KIF5B: variants seen among roughly 807,000 people sequenced by gnomAD.
KIF5B encodes kinesin family member 5B, also known as kinesin-1 heavy chain.
Under a neutral mutation model 132.8 loss-of-function variants are expected in KIF5B, and 49 were observed. The ratio of observed to expected loss-of-function variants is 0.37; its 90% CI spans 0.29 to 0.47. KIF5B has a LOEUF of 0.47. KIF5B is among the 20% of genes least tolerant of loss of function. The probability of loss-of-function intolerance (pLI) is 1.00; values close to 1 mark genes in which losing one functional copy is unlikely to be tolerated. For synonymous variants in KIF5B, 355 were observed against 369.4 expected (o/e 0.96, Z 0.45); for missense variants, 780 against 1,144.0 (o/e 0.68, Z 4.59).
intron 23 of KIF5B, 113 bp downstream of exon 23, chr10:32,017,939 G>A: frequency 3.8e-6 from 2 of 526,038 alleles, no homozygotes; most frequent in Non-Finnish European, 6.9e-6. Context: ...TGATAAAATG[G>A]CTCAGGGTAT....
At position 32,034,037 on chromosome 10, in the gene KIF5B, C is replaced by T; in HGVS notation, c.1113G>A (p.Gly371=). 6.5e-7 allele frequency: 1 copy of T among 1,533,978 alleles called. No homozygotes were observed. The highest frequency in any genetic ancestry group is 2.4e-5 in the East Asian group (1 of 41,874). ...ACTGTTCATCAATAGGCACCGTCTC[C>T]CCTAAAATAAGAAAATAAAGTGGTT... is the stretch of plus-strand genomic sequence containing the variant. ...LENELNRWRN[G]ETVPIDEQFD... is the part of the protein sequence containing the mutation. Residue 371 remains glycine, a splice_region_variant and synonymous_variant, in exon 12 of 26, where the codon GGG becomes GGA. Transcript: ENST00000302418.
At chr10:32,028,971 G>A (rs1841365631) in intron 14 of KIF5B, among the ~76,000 whole-genome samples, 1 of 152,178 alleles carries the variant, frequency 6.6e-6, no homozygotes, top group African/African-American at 2.4e-5. Context: ...TTTCTAGATG[G>A]TTAGTATGCT....
At chr10:32,044,605 G>A (rs1841585668) in intron 2 of KIF5B, among the ~76,000 whole-genome samples, 1 of 152,042 alleles carries the variant, frequency 6.6e-6, no homozygotes, top group South Asian at 2.1e-4. Flanking sequence ...CCGGGAGGCG[G>A]AGGTAGGTTA....
intron 1 of KIF5B, among the ~76,000 whole-genome samples, chr10:32,052,998 A>G (rs1564472141): frequency 6.6e-6 from 1 of 152,258 alleles, no homozygotes; most frequent in African/African-American, 2.4e-5. Flanking sequence ...TTTCTCCATG[A>G]GCACTGATTA....
intron 16 of KIF5B, 21 bp from the exon 17 acceptor site, chr10:32,022,278 A>T: frequency 1.6e-6 from 2 of 1,229,632 alleles, no homozygotes; most frequent in Non-Finnish European, 2.4e-6. Flanking sequence ...AAATATACTG[A>T]TATGAAGTGG....
intron 19 of KIF5B, among the ~76,000 whole-genome samples, chr10:32,020,256 G>C (rs1238440900): frequency 6.6e-6 from 1 of 151,820 alleles, no homozygotes; most frequent in Non-Finnish European, 1.5e-5. Context: ...TCATTATTTT[G>C]TTATGTTATT....
At chr10:32,041,516 A>G (rs918733523) in intron 2 of KIF5B, among the ~76,000 whole-genome samples, 15 of 152,206 alleles carry the variant, frequency 9.9e-5, no homozygotes, top group African/African-American at 3.6e-4. Context: ...AAACAAGACT[A>G]ATTGATGGTT....
At position 32,015,582 on chromosome 10, in the gene KIF5B, CA is replaced by C. The variant is rs942287029; in HGVS notation, c.2838del (p.Phe946LeufsTer30). 2.5e-6 allele frequency: 4 copies of C among 1,613,784 alleles called. No individual in the cohort carries two copies. In the Admixed American group the frequency reaches 6.7e-5, roughly 27 times the overall value. On this transcript the variant is annotated frameshift_variant, in exon 25 of 26. Coordinates refer to ENST00000302418, the MANE Select transcript of KIF5B (RefSeq NM_004521.3). LOFTEE classifies it high-confidence loss of function. ...ACTGCCACTGGCTGGCTGTTCTGAA[CA>C]AATGCACCTCCTCCACGAATTGCAC... ...HPSAIRGGGA[F>X]VQNSQPVAVR...
At chr10:32,021,000 A>G in intron 19 of KIF5B, 22 bp downstream of exon 19, 1 of 1,332,372 alleles carries the variant, frequency 7.5e-7, no homozygotes, top group Non-Finnish European at 1.1e-6. Context: ...TTTCCTCCTA[A>G]CTAGAGAAGT....
In KIF5B at chr10:32,028,646, C is replaced by CA. The variant is rs1032375877; in HGVS notation, c.1582-76dup. Reference sequence around the variant, plus strand: ...TCAAATCAAATACTCATCGGTGTTTCAAGTTTTACACCAAGCCCTTACGAA... The same window carrying CA: ...TCAAATCAAATACTCATCGGTGTTTCAAAGTTTTACACCAAGCCCTTACGAA... On this transcript the variant is annotated intron_variant, in intron 14 of 25. Transcript: ENST00000302418. 44 of 1,258,586 alleles carry CA rather than the reference C, an allele frequency of 3.5e-5. 1 individual carries two copies. In the African/African-American group the frequency reaches 4.9e-4, roughly 14 times the overall value. The allele number at this position is 1,258,586 out of a possible 1,614,324, so 78.0% of individuals were successfully genotyped here. A position where few individuals can be genotyped will look rare whatever the true frequency, so the allele number is the denominator to read the frequency against.
chr10:32,055,601 A>C (rs1216197938), intron 1 of KIF5B, among the ~76,000 whole-genome samples: 1 of 151,854 alleles, frequency 6.6e-6, no homozygotes, highest in Non-Finnish European at 1.5e-5. Flanking sequence ...CAGGTGGGGG[A>C]GTGTCCAGGG....
At chr10:32,040,182 A>G (rs1164532615) in intron 3 of KIF5B, among the ~76,000 whole-genome samples, 2 of 152,254 alleles carry the variant, frequency 1.3e-5, no homozygotes, top group Non-Finnish European at 2.9e-5. Flanking sequence ...AATCTCAAAT[A>G]TAATCTCAAA....
chr10:32,055,751 C>T (rs895612438), intron 1 of KIF5B, 97 bp downstream of exon 1: 1 of 1,482,498 alleles, frequency 6.7e-7, no homozygotes, highest in Non-Finnish European at 9.1e-7. Context: ...GGGACACCGC[C>T]GCTCCCTTTC....
chr10:32,056,023 T>C lies in KIF5B; in HGVS notation c.-50A>G, dbSNP rs763428141. ...CCGGGAGCCACTCCCCGCCGCTCAG[T>C]CTTGCAGGGAACGCGCCGGACCTGA... On this transcript the variant is annotated 5_prime_UTR_variant, in exon 1 of 26. Coordinates refer to ENST00000302418, the MANE Select transcript of KIF5B (RefSeq NM_004521.3). 1 of 1,595,762 alleles carries C rather than the reference T, an allele frequency of 6.3e-7. No homozygotes were observed. Among genetic ancestry groups the C allele is most frequent in the Non-Finnish European group, 8.5e-7 (1 of 1,178,178 alleles).
chr10:32,025,467 C>T (rs1841322862), intron 15 of KIF5B, among the ~76,000 whole-genome samples: 1 of 152,194 alleles, frequency 6.6e-6, no homozygotes, highest in Non-Finnish European at 1.5e-5. Context: ...CCTCCACTTC[C>T]TGGGCTCAAG....
In KIF5B at chr10:32,038,715, A is replaced by G. The variant is rs904909642; in HGVS notation, c.442+63T>C. On this transcript the variant is annotated intron_variant, in intron 5 of 25. Coordinates refer to ENST00000302418, the MANE Select transcript of KIF5B (RefSeq NM_004521.3). Reference sequence around the variant, plus strand: ...ATAGGTTACAAAGAAATAGTCTCACATCTATTATTAAAAAGGAATTAACAG... The same window carrying G: ...ATAGGTTACAAAGAAATAGTCTCACGTCTATTATTAAAAAGGAATTAACAG... The G allele has an allele frequency of 1.6e-5, 15 of 926,360 alleles. No individual in the cohort carries two copies. In the African/African-American group the frequency reaches 2.0e-4, roughly 12 times the overall value. 57.4% of individuals were successfully genotyped at this position (926,360 alleles called of 1,614,324 possible).
intron 17 of KIF5B, among the ~76,000 whole-genome samples, chr10:32,021,747 C>T (rs796263713): frequency 4.5e-4 from 69 of 152,190 alleles, no homozygotes; most frequent in African/African-American, 1.4e-3. Context: ...CCAAGGCAGG[C>T]AGATCACGAG....
chr10:32,051,129 A>G (rs944484876), intron 1 of KIF5B, among the ~76,000 whole-genome samples: 3 of 152,246 alleles, frequency 2.0e-5, no homozygotes, highest in Non-Finnish European at 2.9e-5. Context: ...TGGATCTAAT[A>G]TAAGTGATCA....
In KIF5B at chr10:32,031,085, C is replaced by T; in HGVS notation, c.1569G>A (p.Leu523=). ...TKEYELLSDE[L]NQKSATLASI... is the part of the protein sequence containing the mutation. ...AACTATATCCTACCGATTTCTGATT[C>T]AATTCATCACTAAGCAATTCATATT... The change falls in exon 14 of 26, where the codon TTG becomes TTA. Residue 523 remains leucine, a synonymous_variant. Transcript: ENST00000302418. 6.2e-7 allele frequency: 1 copy of T among 1,610,148 alleles called. No homozygotes were observed.
Sources: allele counts gnomAD v4.1 joint callset (sites outside exome capture counted in the v4.1 genomes callset), GRCh38; gene constraint gnomAD v4.1.1; transcripts MANE v1.5; gene names NCBI Gene and HGNC (gene_info 2026-07-23, HGNC 2026-07-21).